Variants in KIAA2012 observed in about 807,000 individuals in gnomAD.
KIAA2012 encodes uncharacterized protein KIAA2012.
Under a neutral mutation model 150.6 loss-of-function variants are expected in KIAA2012, and 125 were observed. The observed-to-expected ratio is 0.83, with a 90% CI of 0.72 to 0.96. The LOEUF (loss-of-function observed/expected upper bound fraction) is 0.96, where lower values mean the gene tolerates loss of function less well. Ranked by LOEUF, KIAA2012 falls within the 40% of genes least tolerant of loss-of-function variation. KIAA2012 has a pLI of 0.00. For missense variants in KIAA2012, 1,219 were observed against 1,354.9 expected, an observed-to-expected ratio of 0.90 and a Z score of 1.57; for synonymous variants, 462 against 504.7, an observed-to-expected ratio of 0.92 and a Z score of 1.13.
At chr2:202,102,706 T>A (rs1690078546) in intron 7 of KIAA2012, among the ~76,000 whole-genome samples, 1 of 152,202 alleles carries the variant, frequency 6.6e-6, no homozygotes, top group Non-Finnish European at 1.5e-5. Flanking sequence ...CAAAGGCTCT[T>A]AAACTGAGCA....
intron 15 of KIAA2012, among the ~76,000 whole-genome samples, chr2:202,173,116 G>T (rs1283568320): frequency 6.6e-6 from 1 of 152,214 alleles, no homozygotes; most frequent in Non-Finnish European, 1.5e-5. Context: ...GACTGGGGAA[G>T]TCCCCCGGGA....
chr2:202,186,654 C>A (rs1006788687), intron 16 of KIAA2012, among the ~76,000 whole-genome samples: 1 of 152,164 alleles, frequency 6.6e-6, no homozygotes, highest in Non-Finnish European at 1.5e-5. Context: ...TAATTCTATG[C>A]CATTCAATTA....
chr2:202,088,042 T>C (rs1241320611), intron 2 of KIAA2012, among the ~76,000 whole-genome samples: 1 of 151,706 alleles, frequency 6.6e-6, no homozygotes, highest in Admixed American at 6.6e-5. Context: ...CGCATTTACA[T>C]TGTATTCAGT....
At chr2:202,113,277 G>T in intron 10 of KIAA2012, 59 bp from the exon 11 acceptor site, 1 of 1,340,630 alleles carries the variant, frequency 7.5e-7, no homozygotes, top group Non-Finnish European at 1.0e-6. Flanking sequence ...GCCCAGGTTT[G>T]GTCTGTCTCC....
intron 11 of KIAA2012, among the ~76,000 whole-genome samples, chr2:202,122,991 C>A (rs1460270234): frequency 6.6e-6 from 1 of 152,164 alleles, no homozygotes; most frequent in Admixed American, 6.5e-5. Context: ...AAAGTCCCAC[C>A]AGCACACAGA....
chr2:202,076,442 C>A (rs1285242418), intron 2 of KIAA2012, among the ~76,000 whole-genome samples: 1 of 152,166 alleles, frequency 6.6e-6, no homozygotes, highest in East Asian at 1.9e-4. Flanking sequence ...GCCCTCTTTT[C>A]ATCTTTCAAA....
chr2:202,196,377 A>G (rs13031047), intron 21 of KIAA2012, among the ~76,000 whole-genome samples: 56,115 of 150,380 alleles, frequency 0.37, 11,858 homozygotes, highest in Non-Finnish European at 0.47. Context: ...TTGTGATTTT[A>G]GTAGAGACGG....
At chr2:202,190,716 T>C (rs1000882634) in intron 19 of KIAA2012, among the ~76,000 whole-genome samples, 1 of 152,144 alleles carries the variant, frequency 6.6e-6, no homozygotes, top group Non-Finnish European at 1.5e-5. Context: ...ATGCATTCTG[T>C]GAGGCCCCCA....
At chr2:202,105,261 A>AAAGGAAGGAGGGAAGGAAGGG (rs1690154268) in intron 8 of KIAA2012, among the ~76,000 whole-genome samples, 1 of 147,102 alleles carries the variant, frequency 6.8e-6, no homozygotes, top group Non-Finnish European at 1.5e-5. Flanking sequence ...GGGAGAGAGG[A>AAAGGAAGGAGGGAAGGAAGGG]AAGGAAGGAG....
chr2:202,132,720 A>ATATATATATAGTATATATGTATATATG, intron 12 of KIAA2012, among the ~76,000 whole-genome samples: 1 of 123,798 alleles, frequency 8.1e-6, no homozygotes, highest in East Asian at 2.2e-4. Context: ...ATATATGTAT[A>ATATATATATAGTATATATGTATATATG]TATATATAGT....
rs116719014 is a variant in KIAA2012, at chr2:202,173,291, C to T, written c.2119+7935C>T. On this transcript the variant is annotated intron_variant, in intron 15 of 23. Coordinates refer to ENST00000498697, the MANE Select transcript of KIAA2012 (RefSeq NM_001277372.4). ...AACATAAGAAAGGAAAATTATAGGC[C>T]GGGCCTGGTCACTCACGCCGGTAAT... is the stretch of plus-strand genomic sequence containing the variant. 6.2e-3 allele frequency among the ~76,000 whole-genome samples: 948 copies of T among 152,272 alleles called. 3 individuals carry two copies. Among genetic ancestry groups the T allele is most frequent in the Non-Finnish European group, 0.01 (681 of 68,020 alleles).
intron 22 of KIAA2012, among the ~76,000 whole-genome samples, chr2:202,200,027 T>C (rs138094079): frequency 0.1 from 15,029 of 144,320 alleles, 971 homozygotes; most frequent in Admixed American, 0.14. Context: ...GCCTCCCCGG[T>C]TCAAGCGATT....
At chr2:202,159,774 G>A (rs771798869) in intron 14 of KIAA2012, among the ~76,000 whole-genome samples, 28 of 152,296 alleles carry the variant, frequency 1.8e-4, no homozygotes, top group African/African-American at 5.8e-4. Context: ...CCCGGGAGGC[G>A]GAGGTTGCAG....
At chr2:202,082,803 T>C (rs1326776717) in intron 2 of KIAA2012, among the ~76,000 whole-genome samples, 1 of 151,986 alleles carries the variant, frequency 6.6e-6, no homozygotes, top group Non-Finnish European at 1.5e-5. Flanking sequence ...TTTTGCTCCA[T>C]TTTGAATTAA....
Position 202,149,986 on chromosome 2 carries a change from T to C in KIAA2012, c.1909-4687T>C, listed in dbSNP as rs184244924. Among the ~76,000 whole-genome samples the C allele has an allele frequency of 1.3e-4, 20 of 152,374 alleles. No individual in the cohort carries two copies. In the East Asian group the frequency reaches 3.1e-3, roughly 23 times the overall value. ...AATGGATGTTCTCTTTAAGTTTTGC[T>C]ATATTATATATGTGTGTAAGTCTAG... On this transcript the variant is annotated intron_variant, in intron 13 of 23. Transcript: ENST00000498697.
At chr2:202,198,160 G>A (rs1692446680) in intron 22 of KIAA2012, among the ~76,000 whole-genome samples, 1 of 119,932 alleles carries the variant, frequency 8.3e-6, no homozygotes, top group Admixed American at 1.1e-4. Context: ...GGCGACAAGA[G>A]CAAGGCTCTT....
intron 2 of KIAA2012, among the ~76,000 whole-genome samples, chr2:202,088,818 T>C (rs1001501728): frequency 6.6e-6 from 1 of 152,228 alleles, no homozygotes; most frequent in African/African-American, 2.4e-5. Flanking sequence ...CCAGGCACTG[T>C]GAAACCTGAC....
chr2:202,106,047 C>T, intron 9 of KIAA2012, 137 bp downstream of exon 9: 1 of 1,536,116 alleles, frequency 6.5e-7, no homozygotes, highest in Non-Finnish European at 8.7e-7. Context: ...GGAAGATGGC[C>T]TTTGTGCAGG....
intron 2 of KIAA2012, among the ~76,000 whole-genome samples, chr2:202,087,998 C>CAA (rs527244781): frequency 1.8e-4 from 24 of 129,866 alleles, no homozygotes; most frequent in South Asian, 2.5e-4. Context: ...CAATCCAAAC[C>CAA]AAAAAAAAAA....
Sources: gnomAD v4.1 joint callset for allele counts (sites outside exome capture counted in the v4.1 genomes callset) on GRCh38, gnomAD v4.1.1 for gene constraint, MANE v1.5 for transcripts, NCBI Gene and HGNC (gene_info 2026-07-23, HGNC 2026-07-21) for gene names.